The following VSNL1 variants were observed in gnomAD, a reference collection of about 807,000 sequenced individuals.
VSNL1 encodes visinin-like protein 1.
Under a neutral mutation model 20.4 loss-of-function variants are expected in VSNL1, and 6 were observed. That is an observed-to-expected ratio of 0.29 (90% CI 0.16 to 0.58). The LOEUF (loss-of-function observed/expected upper bound fraction) is 0.58, where lower values mean the gene tolerates loss of function less well. VSNL1 is among the 20% of genes least tolerant of loss of function. The pLI, the probability that VSNL1 is intolerant of heterozygous loss-of-function variation, is 0.90. For synonymous variants in VSNL1, 93 were observed against 86.4 expected (o/e 1.08, Z -0.42); for missense variants, 100 against 234.5 (o/e 0.43, Z 3.75).
chr2:17,619,918 A>C (rs2103401269), intron 2 of VSNL1, among the ~76,000 whole-genome samples: 2 of 151,816 alleles, frequency 1.3e-5, no homozygotes, highest in East Asian at 1.9e-4. Context: ...TTACAGGGCC[A>C]TTCTAAGTGA....
At chr2:17,557,471 C>T (rs999280684) in intron 1 of VSNL1, among the ~76,000 whole-genome samples, 1 of 152,090 alleles carries the variant, frequency 6.6e-6, no homozygotes. Flanking sequence ...GCACCACTTA[C>T]AATTAATTAA....
chr2:17,641,816 A>G (rs1284839384), intron 2 of VSNL1, among the ~76,000 whole-genome samples: 1 of 152,204 alleles, frequency 6.6e-6, no homozygotes, highest in East Asian at 1.9e-4. Context: ...ACATAGGGAT[A>G]GAGATAGAAA....
chr2:17,549,987 T>A (rs1180935133), intron 1 of VSNL1, among the ~76,000 whole-genome samples: 1 of 152,232 alleles, frequency 6.6e-6, no homozygotes, highest in African/African-American at 2.4e-5. Flanking sequence ...TCATAGTGTG[T>A]AGCTGTGGAA....
At chr2:17,575,092 T>G (rs1664174585) in intron 1 of VSNL1, among the ~76,000 whole-genome samples, 1 of 152,144 alleles carries the variant, frequency 6.6e-6, no homozygotes, top group Non-Finnish European at 1.5e-5. Context: ...CCTCCCAAAG[T>G]GCTGGGATTA....
chr2:17,562,068 T>G (rs75559497), intron 1 of VSNL1, among the ~76,000 whole-genome samples: 4,463 of 152,320 alleles, frequency 0.029, 64 homozygotes, highest in Middle Eastern at 0.054. Flanking sequence ...GCTACAGTTT[T>G]TGTCAAGTGT....
chr2:17,543,931 G>T (rs1297617977), intron 1 of VSNL1, among the ~76,000 whole-genome samples: 1 of 151,810 alleles, frequency 6.6e-6, no homozygotes, highest in Non-Finnish European at 1.5e-5. Context: ...AACATTCTAT[G>T]CCTCCTAAAT....
chr2:17,597,870 C>T (rs1032132165), intron 2 of VSNL1, among the ~76,000 whole-genome samples: 15 of 152,212 alleles, frequency 9.9e-5, no homozygotes, highest in Admixed American at 3.3e-4. Flanking sequence ...ATGCTTTTCA[C>T]TTCACCAAAC....
chr2:17,654,443 T>C (rs1478919295), intron 3 of VSNL1, among the ~76,000 whole-genome samples: 1 of 152,138 alleles, frequency 6.6e-6, no homozygotes, highest in African/African-American at 2.4e-5. Flanking sequence ...GGCCCCACAA[T>C]TCTTCTTTTC....
At chr2:17,572,185 G>A (rs577276991) in intron 1 of VSNL1, among the ~76,000 whole-genome samples, 134 of 152,248 alleles carry the variant, frequency 8.8e-4, no homozygotes, top group Non-Finnish European at 1.4e-3. Flanking sequence ...TCTTTCTGTG[G>A]AGAGATATGG....
intron 2 of VSNL1, among the ~76,000 whole-genome samples, chr2:17,629,976 A>G (rs1378017834): frequency 6.6e-6 from 1 of 152,180 alleles, no homozygotes; most frequent in Non-Finnish European, 1.5e-5. Context: ...GAGTATGCAA[A>G]AACAGGTTAA....
intron 2 of VSNL1, among the ~76,000 whole-genome samples, chr2:17,593,362 C>T (rs1558293148): frequency 6.6e-6 from 1 of 152,116 alleles, no homozygotes; most frequent in East Asian, 1.9e-4. Flanking sequence ...AATACTTGAA[C>T]TGTAACAACA....
intron 1 of VSNL1, among the ~76,000 whole-genome samples, chr2:17,591,656 T>C (rs560035972): frequency 1.3e-5 from 2 of 152,314 alleles, no homozygotes; most frequent in South Asian, 4.1e-4. Flanking sequence ...TCATTGTTCT[T>C]GTCAGTAATC....
chr2:17,616,360 G>A (rs1017905498), intron 2 of VSNL1, among the ~76,000 whole-genome samples: 5 of 152,148 alleles, frequency 3.3e-5, no homozygotes, highest in East Asian at 1.9e-4. Context: ...GGCTCCTGTC[G>A]GGCTCTCATA....
At chr2:17,609,945 G>T (rs562136222) in intron 2 of VSNL1, among the ~76,000 whole-genome samples, 4 of 152,240 alleles carry the variant, frequency 2.6e-5, no homozygotes, top group Non-Finnish European at 5.9e-5. Flanking sequence ...GAGCCCGGCA[G>T]GCTGTGCCAC....
chr2:17,599,417 T>C (rs13004427), intron 2 of VSNL1, among the ~76,000 whole-genome samples: 36,547 of 152,202 alleles, frequency 0.24, 5,734 homozygotes, highest in Middle Eastern at 0.49. Context: ...GTTCCTATTG[T>C]GTTGGCTGGA....
intron 1 of VSNL1, among the ~76,000 whole-genome samples, chr2:17,542,574 C>G (rs1371238819): frequency 6.6e-6 from 1 of 152,146 alleles, no homozygotes; most frequent in Non-Finnish European, 1.5e-5. Context: ...AGAAGAACCT[C>G]TCATTGGAAA....
intron 3 of VSNL1, among the ~76,000 whole-genome samples, chr2:17,652,909 A>G (rs1464148136): frequency 2.0e-5 from 3 of 151,798 alleles, no homozygotes; most frequent in Non-Finnish European, 2.9e-5. Flanking sequence ...CCTGCTTGGG[A>G]CCCTTCTCCT....
At chr2:17,596,946 G>A (rs182056235) in intron 2 of VSNL1, among the ~76,000 whole-genome samples, 2 of 152,326 alleles carry the variant, frequency 1.3e-5, no homozygotes, top group East Asian at 1.9e-4. Context: ...TGTGTTTGCT[G>A]TCCTGATTGA....
chr2:17,613,204 G>A (rs1468707644), intron 2 of VSNL1, among the ~76,000 whole-genome samples: 4 of 152,102 alleles, frequency 2.6e-5, no homozygotes, highest in Non-Finnish European at 5.9e-5. Context: ...GAACAAGAAG[G>A]TCTATGGCTG....
Sources: gnomAD v4.1 joint callset for allele counts (sites outside exome capture counted in the v4.1 genomes callset) on GRCh38, gnomAD v4.1.1 for gene constraint, MANE v1.5 for transcripts, NCBI Gene and HGNC (gene_info 2026-07-23, HGNC 2026-07-21) for gene names.